Variants in FRMPD2 observed in about 807,000 individuals in gnomAD.
The protein encoded by FRMPD2 is FERM and PDZ domain containing 2.
In FRMPD2, 96 loss-of-function variants were observed where a neutral mutation model predicts 140.1. That is an observed-to-expected ratio of 0.69 (90% CI 0.58 to 0.81). The LOEUF (loss-of-function observed/expected upper bound fraction) is 0.81, where lower values mean the gene tolerates loss of function less well. FRMPD2 is among the 40% of genes least tolerant of loss of function. The pLI is 0.00. For missense variants in FRMPD2, 1,240 were observed against 1,447.4 expected (o/e 0.86, Z 2.32); for synonymous variants, 449 against 547.6 (o/e 0.82, Z 2.52).
intron 1 of FRMPD2, among the ~76,000 whole-genome samples, chr10:48,267,381 C>G (rs1034659758): frequency 1.3e-5 from 2 of 152,174 alleles, no homozygotes; most frequent in African/African-American, 4.8e-5. Context: ...ATTAGAAACA[C>G]TATGGGTGGG....
In FRMPD2 at chr10:48,184,531, G is replaced by T. The variant is rs559148949; in HGVS notation, c.2584+35C>A. 4 of 1,295,358 alleles carry T rather than the reference G, an allele frequency of 3.1e-6. No individual in the cohort carries two copies. In the East Asian group the frequency reaches 9.2e-5, roughly 30 times the overall value. The allele number at this position is 1,295,358 out of a possible 1,614,324, so 80.2% of individuals were successfully genotyped here. A position where few individuals can be genotyped will look rare whatever the true frequency, so the allele number is the denominator to read the frequency against. On this transcript the variant is annotated intron_variant, in intron 20 of 28. Coordinates refer to ENST00000374201, the MANE Select transcript of FRMPD2 (RefSeq NM_001018071.4). Reference sequence around the variant, plus strand: ...ATCATGTACTCCTGAAAACAGGGGAGCCTCTTAAGCTCCCAAGAGTGGGTT... The same window carrying T: ...ATCATGTACTCCTGAAAACAGGGGATCCTCTTAAGCTCCCAAGAGTGGGTT...
At chr10:48,248,981 G>C (rs745777493) in intron 3 of FRMPD2, 40 bp downstream of exon 3, 1 of 1,553,196 alleles carries the variant, frequency 6.4e-7, no homozygotes, top group Non-Finnish European at 8.7e-7. Flanking sequence ...CTTTCCCAGG[G>C]CACAGGACTC....
At chr10:48,270,700 C>T (rs557388689) in intron 1 of FRMPD2, among the ~76,000 whole-genome samples, 1 of 151,992 alleles carries the variant, frequency 6.6e-6, no homozygotes, top group Non-Finnish European at 1.5e-5. Flanking sequence ...TCACCTTCCC[C>T]CCACCTCCTC....
At chr10:48,182,668 A>T (rs937712920) in intron 20 of FRMPD2, among the ~76,000 whole-genome samples, 1 of 151,592 alleles carries the variant, frequency 6.6e-6, no homozygotes, top group African/African-American at 2.4e-5. Flanking sequence ...CAGTGAAAGG[A>T]CATTTTATTC....
intron 1 of FRMPD2, among the ~76,000 whole-genome samples, chr10:48,252,203 G>A (rs916633572): frequency 1.3e-5 from 2 of 152,150 alleles, no homozygotes; most frequent in African/African-American, 4.8e-5. Context: ...TGAAGTGCCA[G>A]AGCGACTCAC....
chr10:48,243,059 G>C lies in FRMPD2; in HGVS notation c.376-707C>G, dbSNP rs143337517. Among the ~76,000 whole-genome samples, 732 of 152,272 alleles carry C rather than the reference G, an allele frequency of 4.8e-3. 2 individuals carry two copies. Among genetic ancestry groups the C allele is most frequent in the Non-Finnish European group, 8.0e-3 (542 of 68,028 alleles). ...AAGGCTGCACTACCGCTTCTTGCTG[G>C]GGAGCATCAGCTGTGAGCACCTATC... On this transcript the variant is annotated intron_variant, in intron 4 of 28. Coordinates refer to ENST00000374201, the MANE Select transcript of FRMPD2 (RefSeq NM_001018071.4).
At chr10:48,270,557 A>C (rs567656587) in intron 1 of FRMPD2, among the ~76,000 whole-genome samples, 1 of 152,050 alleles carries the variant, frequency 6.6e-6, no homozygotes, top group Non-Finnish European at 1.5e-5. Flanking sequence ...ATCACTCTAC[A>C]TGCTCCAAAG....
At chr10:48,222,126 G>GTGGATGGA (rs148237970) in intron 12 of FRMPD2, among the ~76,000 whole-genome samples, 187 bp downstream of exon 12, 1,745 of 144,108 alleles carry the variant, frequency 0.012, 33 homozygotes, top group Admixed American at 0.029. Context: ...CAATGAATAG[G>GTGGATGGA]TGGATGGATG....
intron 1 of FRMPD2, among the ~76,000 whole-genome samples, chr10:48,261,293 G>A (rs990701423): frequency 1.3e-5 from 2 of 151,616 alleles, no homozygotes; most frequent in South Asian, 4.2e-4. Context: ...TAGGAAGCTT[G>A]GAAAGCATCA....
chr10:48,262,667 T>C (rs1291852331), intron 1 of FRMPD2, among the ~76,000 whole-genome samples: 1 of 152,220 alleles, frequency 6.6e-6, no homozygotes, highest in Non-Finnish European at 1.5e-5. Flanking sequence ...TAGGCTATTT[T>C]ATCCAACAAC....
chr10:48,253,874 A>G (rs1328665368), intron 1 of FRMPD2, among the ~76,000 whole-genome samples: 12 of 152,210 alleles, frequency 7.9e-5, no homozygotes, highest in Admixed American at 7.8e-4. Context: ...GGAGCATCCA[A>G]CATCTGGAAA....
At chr10:48,186,253 G>T (rs185204600) in intron 17 of FRMPD2, among the ~76,000 whole-genome samples, 213 of 152,318 alleles carry the variant, frequency 1.4e-3, no homozygotes, top group African/African-American at 5.0e-3. Context: ...CCCAAATGGT[G>T]ACCCACCACT....
At chr10:48,265,985 A>G (rs770403246) in intron 1 of FRMPD2, among the ~76,000 whole-genome samples, 4 of 152,244 alleles carry the variant, frequency 2.6e-5, no homozygotes, top group South Asian at 2.1e-4. Flanking sequence ...TCAATGGTAG[A>G]CTGGATAAAG....
intron 16 of FRMPD2, among the ~76,000 whole-genome samples, chr10:48,191,705 T>A (rs1417106748): frequency 6.6e-6 from 1 of 152,200 alleles, no homozygotes; most frequent in Non-Finnish European, 1.5e-5. Context: ...TGCAGCAACC[T>A]TCATTGGTCA....
intron 22 of FRMPD2, 185 bp downstream of exon 22, chr10:48,177,862 C>T: frequency 2.1e-6 from 1 of 483,082 alleles, no homozygotes; most frequent in South Asian, 2.4e-5. Context: ...TCCTGAGGTT[C>T]CCCAGTACCT....
rs534819781 is a variant in FRMPD2 at position 48,226,520 on chromosome 10, C to A, written c.1169-3250G>T. Among the ~76,000 whole-genome samples, 9 of 152,306 alleles carry A rather than the reference C, an allele frequency of 5.9e-5. No homozygotes were observed. The East Asian group carries it at 1.7e-3, about 29-fold the overall frequency. On this transcript the variant is annotated intron_variant, in intron 10 of 28. Coordinates refer to ENST00000374201, the MANE Select transcript of FRMPD2 (RefSeq NM_001018071.4). ...GCCTATCAGCTATTTAAGTTAAAGGCACTTTTAAGCGCACTTTTAAGAGCA... is the reference window on the plus strand; with the variant it reads ...GCCTATCAGCTATTTAAGTTAAAGGAACTTTTAAGCGCACTTTTAAGAGCA...
At position 48,250,096 on chromosome 10, in the gene FRMPD2, G is replaced by T. The variant is rs868174555; in HGVS notation, c.152-918C>A. ...CTCAAATCTACACAGGACTCTAGCG[G>T]CCCTCCTGCCCACACCAACCTCCAG... On this transcript the variant is annotated intron_variant, in intron 2 of 28. Coordinates refer to ENST00000374201, the MANE Select transcript of FRMPD2 (RefSeq NM_001018071.4). 9.9e-5 allele frequency among the ~76,000 whole-genome samples: 15 copies of T among 152,262 alleles called. No individual in the cohort carries two copies. In the South Asian group the frequency reaches 3.1e-3, roughly 32 times the overall value.
At chr10:48,186,536 C>T (rs558022563) in intron 17 of FRMPD2, among the ~76,000 whole-genome samples, 21 of 152,198 alleles carry the variant, frequency 1.4e-4, no homozygotes, top group Non-Finnish European at 2.2e-4. Flanking sequence ...CCGGGGTTTC[C>T]GCTTTTGTTT....
chr10:48,270,826 G>A (rs550133481), intron 1 of FRMPD2, among the ~76,000 whole-genome samples: 14 of 151,862 alleles, frequency 9.2e-5, no homozygotes, highest in Admixed American at 4.6e-4. Context: ...TTCCCAGCCC[G>A]TTAATCACCA....
Sources: allele counts gnomAD v4.1 joint callset (sites outside exome capture counted in the v4.1 genomes callset), GRCh38; gene constraint gnomAD v4.1.1; transcripts MANE v1.5; gene names NCBI Gene and HGNC (gene_info 2026-07-23, HGNC 2026-07-21).